TRIT1: variants seen among roughly 807,000 people sequenced by gnomAD.
TRIT1 encodes the protein tRNA dimethylallyltransferase.
A neutral mutation model predicts 51.2 loss-of-function variants in TRIT1; 43 were observed. The observed-to-expected ratio is 0.84, with a 90% confidence interval of 0.66 to 1.08. TRIT1 has a LOEUF of 1.08. Among genes scored for constraint, TRIT1 ranks in the 50% least tolerant of loss-of-function variants. The probability of loss-of-function intolerance (pLI) is 0.00; values close to 1 mark genes in which losing one functional copy is unlikely to be tolerated. For missense variants in TRIT1, 528 were observed against 578.4 expected (o/e 0.91, Z 0.89); for synonymous variants, 184 against 203.9 (o/e 0.90, Z 0.83).
At chr1:39,867,935 C>T (rs1021005783) in intron 1 of TRIT1, among the ~76,000 whole-genome samples, 4 of 151,936 alleles carry the variant, frequency 2.6e-5, no homozygotes, top group African/African-American at 9.7e-5. Flanking sequence ...ACACACTGAA[C>T]CCCTTCAAGA....
intron 1 of TRIT1, among the ~76,000 whole-genome samples, chr1:39,872,065 C>T (rs1643897171): frequency 8.0e-6 from 1 of 125,580 alleles, no homozygotes; most frequent in Non-Finnish European, 1.6e-5. Flanking sequence ...CCAGGCCTGA[C>T]TAATTTTTTT....
intron 1 of TRIT1, among the ~76,000 whole-genome samples, chr1:39,860,233 T>C (rs1032237647): frequency 2.6e-5 from 4 of 152,270 alleles, no homozygotes; most frequent in Non-Finnish European, 5.9e-5. Context: ...TGGTTACTAA[T>C]ATAAATTGTC....
intron 1 of TRIT1, among the ~76,000 whole-genome samples, chr1:39,875,686 C>T (rs1292485699): frequency 6.6e-6 from 1 of 152,040 alleles, no homozygotes; most frequent in African/African-American, 2.4e-5. Context: ...CTTAACTTTG[C>T]CCATACTGTT....
At chr1:39,855,890 G>A (rs1057411792) in intron 2 of TRIT1, among the ~76,000 whole-genome samples, 14 of 152,212 alleles carry the variant, frequency 9.2e-5, no homozygotes, top group African/African-American at 3.1e-4. Context: ...CAAGAAGGCT[G>A]ATTGGGGCCA....
chr1:39,869,302 G>A (rs995394382), intron 1 of TRIT1, among the ~76,000 whole-genome samples: 1 of 152,210 alleles, frequency 6.6e-6, no homozygotes, highest in Non-Finnish European at 1.5e-5. Context: ...ACAGGGTTTC[G>A]CCGTGTTGGC....
chr1:39,866,303 G>A (rs777779413), intron 1 of TRIT1, among the ~76,000 whole-genome samples: 3 of 152,118 alleles, frequency 2.0e-5, no homozygotes, highest in Non-Finnish European at 4.4e-5. Flanking sequence ...CTCCCAAGTA[G>A]CTGGGATTAT....
chr1:39,861,923 CA>C (rs60007826), intron 1 of TRIT1, among the ~76,000 whole-genome samples: 2,939 of 68,366 alleles, frequency 0.043, 36 homozygotes, highest in Non-Finnish European at 0.064. Context: ...GGCTCTGTCT[CA>C]AAAAAAAAAA....
intron 1 of TRIT1, among the ~76,000 whole-genome samples, chr1:39,882,117 A>G (rs2124699207): frequency 6.6e-6 from 1 of 152,370 alleles, no homozygotes; most frequent in East Asian, 1.9e-4. Context: ...CAGAAGAAGA[A>G]ACAAAGGCAT....
intron 10 of TRIT1, among the ~76,000 whole-genome samples, chr1:39,842,421 G>A (rs187677454): frequency 1.3e-5 from 2 of 152,344 alleles, no homozygotes; most frequent in East Asian, 3.9e-4. Flanking sequence ...GGCATTGCCT[G>A]TTGTCCTTCC....
chr1:39,872,702 T>A (rs545045124), intron 1 of TRIT1, among the ~76,000 whole-genome samples: 1 of 150,608 alleles, frequency 6.6e-6, no homozygotes, highest in African/African-American at 2.5e-5. Flanking sequence ...CCTAGCTCTT[T>A]CCACTGAAAG....
At position 39,847,215 on chromosome 1, in the gene TRIT1, C is replaced by T; in HGVS notation, c.1006+5G>A. The T allele has an allele frequency of 4.3e-6, 7 of 1,613,634 alleles. No individual in the cohort carries two copies. Among genetic ancestry groups the T allele is most frequent in the Non-Finnish European group, 5.9e-6 (7 of 1,179,580 alleles). ...CCATAGGATAAAGAAAAACATGAGA[C>T]TTACTGCTCAAAAAACGGTTTTTAA... On this transcript the variant is annotated splice_donor_5th_base_variant and intron_variant, in intron 8 of 10. Transcript: ENST00000316891.
At chr1:39,850,078 T>C in intron 5 of TRIT1, 41 bp downstream of exon 5, 1 of 1,605,012 alleles carries the variant, frequency 6.2e-7, no homozygotes, top group Non-Finnish European at 8.5e-7. Context: ...TTACTCCAAG[T>C]TCCATCACAG....
At chr1:39,861,157 G>A (rs187810826) in intron 1 of TRIT1, among the ~76,000 whole-genome samples, 45 of 152,318 alleles carry the variant, frequency 3.0e-4, no homozygotes, top group African/African-American at 9.9e-4. Context: ...GCAAATGTTG[G>A]CAAGGATGTA....
In TRIT1 at chr1:39,847,245, T is replaced by A. The variant is rs993366614; in HGVS notation, c.981A>T (p.Arg327=). ...VTKRYARKQN[R]WVKNRFLSRP... ...TGCTCAAAAAACGGTTTTTAACCCA[T>A]CGGTTTTGTTTCCGGGCATATCTCT... The change falls in exon 8 of 11, where the codon CGA becomes CGT. Residue 327 remains arginine (R), a synonymous_variant. Transcript: ENST00000316891. 6.8e-6 allele frequency: 11 copies of A among 1,614,062 alleles called. No homozygotes were observed. The African/African-American group carries it at 9.3e-5, about 14-fold the overall frequency.
At chr1:39,843,208 T>C (rs946060214) in intron 10 of TRIT1, among the ~76,000 whole-genome samples, 4 of 152,186 alleles carry the variant, frequency 2.6e-5, no homozygotes, top group Non-Finnish European at 4.4e-5. Flanking sequence ...AATCATCCTA[T>C]TGGTTGCTTT....
At chr1:39,881,401 T>G (rs1431017507) in intron 1 of TRIT1, among the ~76,000 whole-genome samples, 1 of 152,164 alleles carries the variant, frequency 6.6e-6, no homozygotes, top group Non-Finnish European at 1.5e-5. Flanking sequence ...CCAAGTACCA[T>G]ACGTACTGCT....
rs373973087 is a variant in TRIT1 at position 39,859,977 on chromosome 1, G to A, written c.175-2560C>T. On this transcript the variant is annotated intron_variant, in intron 1 of 10. Coordinates refer to ENST00000316891, the MANE Select transcript of TRIT1 (RefSeq NM_017646.6). ...TTCTTCCTGTAATCTGCCTTTAGGT[G>A]TATCTTCTAGAGGCCCTTAAAATGG... 4.6e-5 allele frequency among the ~76,000 whole-genome samples: 7 copies of A among 152,288 alleles called. 1 individual carries two copies. The South Asian group carries it at 1.2e-3, about 27-fold the overall frequency.
intron 1 of TRIT1, among the ~76,000 whole-genome samples, chr1:39,882,878 A>G (rs758015045): frequency 6.6e-6 from 1 of 152,194 alleles, no homozygotes; most frequent in African/African-American, 2.4e-5. Context: ...AGCAGACACC[A>G]TAGGTGGTAT....
intron 1 of TRIT1, among the ~76,000 whole-genome samples, chr1:39,877,493 G>A (rs1354091033): frequency 3.9e-5 from 6 of 152,086 alleles, no homozygotes; most frequent in Non-Finnish European, 1.5e-5. Flanking sequence ...TACGGCTACT[G>A]CTTCTCCACA....
Sources: allele counts gnomAD v4.1 joint callset (sites outside exome capture counted in the v4.1 genomes callset), GRCh38; gene constraint gnomAD v4.1.1; transcripts MANE v1.5; gene names NCBI Gene and HGNC (gene_info 2026-07-23, HGNC 2026-07-21).